AXDND1: variants seen among roughly 807,000 people sequenced by gnomAD.
The protein encoded by AXDND1 is axonemal dynein light chain domain containing 1.
A neutral mutation model predicts 137.5 loss-of-function variants in AXDND1; 110 were observed. The ratio of observed to expected loss-of-function variants is 0.80; its 90% CI spans 0.69 to 0.94. The LOEUF is 0.94. AXDND1 is among the 40% of genes least tolerant of loss of function. The pLI, the probability that AXDND1 is intolerant of heterozygous loss-of-function variation, is 0.00. For missense variants in AXDND1, 1,191 were observed against 1,169.8 expected (o/e 1.02, Z -0.26); for synonymous variants, 414 against 399.7 (o/e 1.04, Z -0.43).
chr1:179,446,472 C>G (rs1659741531), intron 16 of AXDND1, among the ~76,000 whole-genome samples: 1 of 152,194 alleles, frequency 6.6e-6, no homozygotes, highest in South Asian at 2.1e-4. Flanking sequence ...AATGCAGATT[C>G]CTGAGCCCTG....
At chr1:179,518,029 A>G (rs560344237) in intron 21 of AXDND1, among the ~76,000 whole-genome samples, 177 of 152,306 alleles carry the variant, frequency 1.2e-3, no homozygotes, top group African/African-American at 4.1e-3. Context: ...TCCATACTTG[A>G]TCATTATGCT....
chr1:179,426,541 C>T (rs1273980540), intron 12 of AXDND1, among the ~76,000 whole-genome samples: 1 of 152,130 alleles, frequency 6.6e-6, no homozygotes, highest in Non-Finnish European at 1.5e-5. Context: ...TAGAGGCTAA[C>T]AGTATTTTAA....
chr1:179,374,774 A>G (rs1238553386), intron 4 of AXDND1, among the ~76,000 whole-genome samples: 1 of 141,928 alleles, frequency 7.0e-6, no homozygotes, highest in Non-Finnish European at 1.5e-5. Flanking sequence ...GAATTGAACA[A>G]TGAGAACACC....
chr1:179,509,514 A>C (rs1668828170), intron 21 of AXDND1, 111 bp downstream of exon 21: 4 of 679,654 alleles, frequency 5.9e-6, no homozygotes, highest in Non-Finnish European at 9.7e-6. Context: ...CATTTACCCT[A>C]ACATATGAGA....
chr1:179,459,137 T>G (rs1331081002), intron 16 of AXDND1, among the ~76,000 whole-genome samples: 1 of 152,114 alleles, frequency 6.6e-6, no homozygotes, highest in Non-Finnish European at 1.5e-5. Flanking sequence ...TCCAAGCCAT[T>G]AGTTTTTATC....
intron 9 of AXDND1, 23 bp from the exon 10 acceptor site, chr1:179,393,880 C>T (rs1471866943): frequency 5.1e-6 from 8 of 1,563,816 alleles, no homozygotes; most frequent in Non-Finnish European, 6.9e-6. Flanking sequence ...GATCTAGGAG[C>T]TTTTTGGTTG....
At chr1:179,416,745 A>G (rs1654765183) in intron 12 of AXDND1, among the ~76,000 whole-genome samples, 1 of 152,230 alleles carries the variant, frequency 6.6e-6, no homozygotes, top group South Asian at 2.1e-4. Flanking sequence ...TTTGTGTTGC[A>G]CAAAACAAGC....
chr1:179,444,915 T>C, intron 15 of AXDND1, 55 bp from the exon 16 acceptor site: 3 of 1,283,334 alleles, frequency 2.3e-6, no homozygotes, highest in Admixed American at 4.1e-5. Context: ...TGGTAGACTT[T>C]GATAAACTCA....
chr1:179,435,798 A>T (rs1212845529), intron 15 of AXDND1, among the ~76,000 whole-genome samples: 1 of 152,216 alleles, frequency 6.6e-6, no homozygotes, highest in Non-Finnish European at 1.5e-5. Context: ...TATGATGAAA[A>T]TGCCAAAAGC....
At chr1:179,409,437 T>C (rs1653505376) in intron 11 of AXDND1, among the ~76,000 whole-genome samples, 1 of 152,218 alleles carries the variant, frequency 6.6e-6, no homozygotes, top group Admixed American at 6.5e-5. Flanking sequence ...CTAATTTGGA[T>C]GCCCTTTATT....
chr1:179,422,574 T>C (rs1655924720), intron 12 of AXDND1, among the ~76,000 whole-genome samples: 1 of 152,184 alleles, frequency 6.6e-6, no homozygotes, highest in Non-Finnish European at 1.5e-5. Flanking sequence ...TTCTAGAGAA[T>C]GTTTCATCTG....
intron 17 of AXDND1, among the ~76,000 whole-genome samples, 156 bp from the exon 18 acceptor site, chr1:179,482,972 A>C (rs544081532): frequency 6.6e-6 from 1 of 150,572 alleles, no homozygotes; most frequent in Non-Finnish European, 1.5e-5. Flanking sequence ...ATACTAGATA[A>C]TTCAGGGCTT....
At chr1:179,497,963 G>T (rs1006619879) in intron 20 of AXDND1, among the ~76,000 whole-genome samples, 22 of 152,002 alleles carry the variant, frequency 1.4e-4, no homozygotes, top group African/African-American at 5.1e-4. Flanking sequence ...GAGGTGAAAG[G>T]CGTCTACAAG....
In AXDND1 at chr1:179,522,830, T is replaced by C. The variant is rs1034480226; in HGVS notation, c.2497-2504T>C. Reference sequence around the variant, plus strand: ...TTTTCATTTTGTAAAAATATCCTAATTTTTTAGTCACATTGTGACTATTTT... The same window carrying C: ...TTTTCATTTTGTAAAAATATCCTAACTTTTTAGTCACATTGTGACTATTTT... On this transcript the variant is annotated intron_variant, in intron 21 of 25. Transcript: ENST00000367618. 1.4e-5 allele frequency among the ~76,000 whole-genome samples: 2 copies of C among 145,966 alleles called. 1 individual carries two copies. Among genetic ancestry groups the C allele is most frequent in the Non-Finnish European group, 3.0e-5 (2 of 65,682 alleles).
intron 16 of AXDND1, among the ~76,000 whole-genome samples, chr1:179,445,955 C>T (rs1317992778): frequency 6.6e-6 from 1 of 152,128 alleles, no homozygotes; most frequent in East Asian, 1.9e-4. Context: ...ATTTTATATT[C>T]CCACCAGCAG....
intron 11 of AXDND1, among the ~76,000 whole-genome samples, chr1:179,403,706 TG>T (rs1197518934): frequency 2.6e-5 from 4 of 152,212 alleles, no homozygotes; most frequent in African/African-American, 9.6e-5. Flanking sequence ...CCTGAATAGC[TG>T]GGATTTCAGG....
intron 16 of AXDND1, among the ~76,000 whole-genome samples, chr1:179,458,275 A>G (rs1661709394): frequency 6.6e-6 from 1 of 151,998 alleles, no homozygotes; most frequent in Non-Finnish European, 1.5e-5. Context: ...GAGCCACCAC[A>G]CCAGGCCGAT....
intron 12 of AXDND1, among the ~76,000 whole-genome samples, chr1:179,418,657 C>T (rs376782063): frequency 0.093 from 13,206 of 141,634 alleles, 787 homozygotes; most frequent in Non-Finnish European, 0.1. Flanking sequence ...GGCGGCTGGC[C>T]GGGTGGGGGG....
intron 15 of AXDND1, among the ~76,000 whole-genome samples, chr1:179,435,505 G>A (rs1468828857): frequency 6.6e-6 from 1 of 151,998 alleles, no homozygotes; most frequent in African/African-American, 2.4e-5. Flanking sequence ...ATAGACCAAT[G>A]GAATAAAACA....
Sources: allele counts gnomAD v4.1 joint callset (sites outside exome capture counted in the v4.1 genomes callset), GRCh38; gene constraint gnomAD v4.1.1; transcripts MANE v1.5; gene names NCBI Gene and HGNC (gene_info 2026-07-23, HGNC 2026-07-21).